The following STAM variants were observed in gnomAD, a reference collection of about 807,000 sequenced individuals.
STAM encodes the protein signal transducing adaptor molecule, also known as signal transducing adapter molecule 1.
Under a neutral mutation model 63.4 loss-of-function variants are expected in STAM, and 16 were observed. The ratio of observed to expected loss-of-function variants is 0.25; its 90% CI spans 0.17 to 0.38. The LOEUF is 0.38. Among genes scored for constraint, STAM ranks in the 10% least tolerant of loss-of-function variants. STAM has a pLI of 1.00. For synonymous variants in STAM, 238 were observed against 223.9 expected, an observed-to-expected ratio of 1.06 and a Z score of -0.56; for missense variants, 636 against 657.1, an observed-to-expected ratio of 0.97 and a Z score of 0.35.
intron 13 of STAM, among the ~76,000 whole-genome samples, chr10:17,710,346 T>G (rs201367097): frequency 1.3e-5 from 2 of 152,344 alleles, no homozygotes; most frequent in East Asian, 3.9e-4. Context: ...CTGTTCTCTG[T>G]GTGTGACTCT....
chr10:17,665,950 T>C (rs572136547), intron 2 of STAM, among the ~76,000 whole-genome samples: 1 of 152,300 alleles, frequency 6.6e-6, no homozygotes, highest in African/African-American at 2.4e-5. Flanking sequence ...CTGAACAGCC[T>C]TCATTTGTTT....
chr10:17,675,109 T>G lies in STAM; in HGVS notation c.126-9566T>G, dbSNP rs145896860. Reference sequence around the variant, plus strand: ...GGAATCTTAACTGATTAGGTAGTCATGAAGATTTTCTTTCATGGTGCCTTT... The same window carrying G: ...GGAATCTTAACTGATTAGGTAGTCAGGAAGATTTTCTTTCATGGTGCCTTT... On this transcript the variant is annotated intron_variant, in intron 2 of 13. Transcript: ENST00000377524. Among the ~76,000 whole-genome samples, 820 of 152,358 alleles carry G rather than the reference T, an allele frequency of 5.4e-3. 5 individuals are homozygous for G. Among genetic ancestry groups the G allele is most frequent in the African/African-American group, 0.019 (777 of 41,586 alleles).
At chr10:17,676,889 A>G (rs1834878864) in intron 2 of STAM, among the ~76,000 whole-genome samples, 1 of 149,546 alleles carries the variant, frequency 6.7e-6, no homozygotes, top group Admixed American at 6.7e-5. Context: ...AAGATTTAAT[A>G]ATTATACATA....
chr10:17,661,770 C>T (rs1164172711), intron 2 of STAM, among the ~76,000 whole-genome samples: 1 of 152,152 alleles, frequency 6.6e-6, no homozygotes, highest in Non-Finnish European at 1.5e-5. Context: ...TCTCCTTAAT[C>T]AAGTTTTTGA....
intron 4 of STAM, among the ~76,000 whole-genome samples, chr10:17,685,523 A>G (rs1448551645): frequency 6.6e-6 from 1 of 152,180 alleles, no homozygotes; most frequent in Non-Finnish European, 1.5e-5. Flanking sequence ...AGGATTTATT[A>G]GGGGAACTTA....
At chr10:17,673,089 G>T (rs1444128998) in intron 2 of STAM, 4 of 960,834 alleles carry the variant, frequency 4.2e-6, no homozygotes, top group Non-Finnish European at 5.0e-6. Flanking sequence ...GTAGGTGATG[G>T]AAACCTTTGG....
chr10:17,673,165 T>C (rs1465821454), intron 2 of STAM: 3 of 378,788 alleles, frequency 7.9e-6, no homozygotes, highest in African/African-American at 6.6e-5. Flanking sequence ...ATTTTGTGTT[T>C]ATTGCCACCC....
At chr10:17,649,067 C>T (rs917943928) in intron 1 of STAM, among the ~76,000 whole-genome samples, 7 of 152,280 alleles carry the variant, frequency 4.6e-5, no homozygotes, top group Middle Eastern at 6.8e-3. Context: ...TCTGTTCAAA[C>T]GTCATTTTCT....
intron 5 of STAM, among the ~76,000 whole-genome samples, chr10:17,691,240 C>T (rs1037945693): frequency 1.3e-5 from 2 of 152,126 alleles, no homozygotes; most frequent in Non-Finnish European, 2.9e-5. Flanking sequence ...AATGCCTGGC[C>T]GGGCGCGGTG....
rs147346542 is a variant in STAM, at chr10:17,656,515, C to G, written c.41-3949C>G. ...CTGTCTTTAGGTCTTTCCTCTTGGG[C>G]TGACATAGAGCCCCCAGAAAAGAGT... On this transcript the variant is annotated intron_variant, in intron 1 of 13. Transcript: ENST00000377524. 1.6e-3 allele frequency among the ~76,000 whole-genome samples: 238 copies of G among 152,218 alleles called. 2 individuals carry two copies. In the East Asian group the frequency reaches 0.029, roughly 19 times the overall value.
At chr10:17,700,336 T>C in intron 9 of STAM, 57 bp downstream of exon 9, 1 of 1,365,448 alleles carries the variant, frequency 7.3e-7, no homozygotes, top group South Asian at 1.4e-5. Flanking sequence ...TTAAATGGTT[T>C]TGCTTTAAGA....
intron 2 of STAM, among the ~76,000 whole-genome samples, chr10:17,667,112 C>T (rs7906075): frequency 0.082 from 11,582 of 140,770 alleles, 522 homozygotes; most frequent in Admixed American, 0.13. Flanking sequence ...CGGAAGTGTT[C>T]CAGCAGAGTT....
chr10:17,704,543 A>C (rs782180348), intron 10 of STAM, 25 bp downstream of exon 10: 4 of 1,588,148 alleles, frequency 2.5e-6, no homozygotes, highest in African/African-American at 1.3e-5. Flanking sequence ...TTTACCTTGC[A>C]AATAAAGAGT....
In STAM at chr10:17,691,513, A is replaced by C. The variant is rs115992627; in HGVS notation, c.445-1709A>C. On this transcript the variant is annotated intron_variant, in intron 5 of 13. Coordinates refer to ENST00000377524, the MANE Select transcript of STAM (RefSeq NM_003473.4). Reference sequence around the variant, plus strand: ...AGCCTGGGCGACAGAGCGAGACTCAAATAAATAAATAAATAAATAAATGCC... The same window carrying C: ...AGCCTGGGCGACAGAGCGAGACTCACATAAATAAATAAATAAATAAATGCC... Among the ~76,000 whole-genome samples the C allele has an allele frequency of 5.8e-3, 801 of 137,734 alleles. 12 individuals carry two copies. The highest frequency in any genetic ancestry group is 0.02 in the African/African-American group (776 of 38,428). 90.4% of individuals were successfully genotyped at this position (137,734 alleles called of 152,430 possible). A position where few individuals can be genotyped will look rare whatever the true frequency, so the allele number is the denominator to read the frequency against.
intron 2 of STAM, chr10:17,672,941 C>A: frequency 1.3e-6 from 1 of 748,124 alleles, no homozygotes; most frequent in Non-Finnish European, 1.6e-6. Context: ...TGTCCCTGCC[C>A]CTGACCCCTA....
chr10:17,679,873 A>G (rs1315383651), intron 2 of STAM, among the ~76,000 whole-genome samples: 2 of 151,368 alleles, frequency 1.3e-5, no homozygotes, highest in East Asian at 3.9e-4. Context: ...TGTTGGCATA[A>G]AGTTGTTCAT....
intron 1 of STAM, among the ~76,000 whole-genome samples, chr10:17,657,849 C>CT (rs568800021): frequency 0.011 from 1,622 of 144,436 alleles, 22 homozygotes; most frequent in African/African-American, 0.031. Context: ...TTTTCTCTCT[C>CT]TTTTTTTTTT....
chr10:17,666,105 A>G, intron 2 of STAM, among the ~76,000 whole-genome samples: 1 of 152,204 alleles, frequency 6.6e-6, no homozygotes, highest in Non-Finnish European at 1.5e-5. Flanking sequence ...ATCTTCAATA[A>G]CAAGTTAAAA....
intron 9 of STAM, among the ~76,000 whole-genome samples, chr10:17,701,957 C>G (rs1554828535): frequency 2.0e-5 from 3 of 152,054 alleles, no homozygotes; most frequent in Non-Finnish European, 4.4e-5. Flanking sequence ...GAATTTTCAG[C>G]TAGTAGATCA....
Sources: gnomAD v4.1 joint callset for allele counts (sites outside exome capture counted in the v4.1 genomes callset) on GRCh38, gnomAD v4.1.1 for gene constraint, MANE v1.5 for transcripts, NCBI Gene and HGNC (gene_info 2026-07-23, HGNC 2026-07-21) for gene names.